Variants in PNKP observed in about 807,000 individuals in gnomAD.
PNKP encodes the protein polynucleotide kinase 3'-phosphatase, also known as bifunctional polynucleotide phosphatase/kinase.
Under a neutral mutation model 66.2 loss-of-function variants are expected in PNKP, and 82 were observed. The observed-to-expected ratio is 1.24, with a 90% CI of 1.04 to 1.49. The LOEUF is 1.49. Ranked by LOEUF, PNKP falls within the 40% of genes most tolerant of loss-of-function variation. The pLI, the probability that PNKP is intolerant of heterozygous loss-of-function variation, is 0.00. For missense variants in PNKP, 907 were observed against 706.8 expected, an observed-to-expected ratio of 1.28 and a Z score of -3.21; for synonymous variants, 412 against 298.9, an observed-to-expected ratio of 1.38 and a Z score of -3.90.
rs756362768 is a variant in PNKP, at chr19:49,861,892, G to A, written c.1189-11C>T. 16 of 1,578,432 alleles carry A rather than the reference G, an allele frequency of 1.0e-5. No homozygotes were observed. In the African/African-American group the frequency reaches 1.0e-4, roughly 10 times the overall value. ...GGAGCCTAGCGTGTCCTGGGGACAC[G>A]AGAGGTCACAAACAGATCGGCAGAC... is the stretch of plus-strand genomic sequence containing the variant. On this transcript the variant is annotated splice_polypyrimidine_tract_variant and intron_variant, in intron 13 of 16. Transcript: ENST00000322344.
At chr19:49,865,901 C>T in intron 3 of PNKP, 1 of 238,914 alleles carries the variant, frequency 4.2e-6, no homozygotes, top group Non-Finnish European at 8.3e-6. Context: ...GCGTGAGCCA[C>T]CGCGCCTGGC....
intron 3 of PNKP, 152 bp from the exon 4 acceptor site, chr19:49,865,578 C>T: frequency 1.8e-6 from 1 of 559,724 alleles, no homozygotes; most frequent in South Asian, 2.0e-5. Flanking sequence ...GGAACGGTTA[C>T]AGGTTTTCAG....
intron 13 of PNKP, 57 bp from the exon 14 acceptor site, chr19:49,861,938 G>C: frequency 1.9e-6 from 3 of 1,579,190 alleles, no homozygotes; most frequent in Admixed American, 1.7e-5. Context: ...AGAAGACCCC[G>C]AGCGGGGACG....
In PNKP at chr19:49,866,392, C is replaced by T; in HGVS notation, c.198+7G>A. The T allele has an allele frequency of 6.2e-7, 1 of 1,613,042 alleles. No homozygotes were observed. The highest frequency in any genetic ancestry group is 1.7e-4 in the Middle Eastern group (1 of 6,056). On this transcript the variant is annotated splice_region_variant and intron_variant, in intron 3 of 16. Transcript: ENST00000322344. ...GGCCTTGCTGGCCCTTGCAGAGGCA[C>T]TGATACCTGTTTCACTGCCACTGTC... is the stretch of plus-strand genomic sequence containing the variant.
Position 49,862,041 on chromosome 19 carries a change from T to A in PNKP, c.1188+3A>T. On this transcript the variant is annotated splice_donor_region_variant and intron_variant, in intron 13 of 16. Transcript: ENST00000322344. ...ATTTGGGGCGGCAAAAGCCTGGTCA[T>A]ACCCTGTTCACGTGGACATATCCGG... The A allele has an allele frequency of 6.2e-7, 1 of 1,614,074 alleles. No homozygotes were observed. The highest frequency in any genetic ancestry group is 8.5e-7 in the Non-Finnish European group (1 of 1,179,950).
Position 49,862,611 on chromosome 19 carries a change from G to A in PNKP, c.866-3C>T, listed in dbSNP as rs774994211. 6.2e-7 allele frequency: 1 copy of A among 1,613,876 alleles called. No homozygotes were observed. Among genetic ancestry groups the A allele is most frequent in the Admixed American group, 1.7e-5 (1 of 60,020 alleles). On this transcript the variant is annotated splice_polypyrimidine_tract_variant and splice_region_variant and intron_variant, in intron 9 of 16. Transcript: ENST00000322344. ...GTTGGCCGGGCGTCCGGCTGCGTCT[G>A]GAACACACGGGACACCCCGTTCCCA...
chr19:49,865,542 C>T, intron 3 of PNKP, 116 bp from the exon 4 acceptor site: 1 of 677,596 alleles, frequency 1.5e-6, no homozygotes, highest in South Asian at 1.7e-5. Flanking sequence ...CCTTAGGCCC[C>T]ACCTCTTCAC....
rs753353170 is a variant in PNKP, at chr19:49,862,253, C to A, written c.1058G>T (p.Cys353Phe). 5 of 1,608,106 alleles carry A rather than the reference C, an allele frequency of 3.1e-6. No individual in the cohort carries two copies. In the South Asian group the frequency reaches 5.5e-5, roughly 18 times the overall value. The change falls in exon 12 of 17, where the codon TGC (cysteine) becomes TTC (phenylalanine). Residue 353 changes from cysteine (C) to phenylalanine (F), a missense_variant. Transcript: ENST00000322344. ...CAGGAGGGCCCTGGACTCGGGGAGGCAGAGAGGCCCTGAGCGGGAGACAGT... is the reference window on the plus strand; with the variant it reads ...CAGGAGGGCCCTGGACTCGGGGAGGAAGAGAGGCCCTGAGCGGGAGACAGT... ...PRTVSRSGPLCLPESRALLSA... is the reference protein window; with the variant it reads ...PRTVSRSGPLFLPESRALLSA...
At chr19:49,865,774 C>CGGCCCCAAT (rs2074815336) in intron 3 of PNKP, among the ~76,000 whole-genome samples, 7 of 151,692 alleles carry the variant, frequency 4.6e-5, no homozygotes, top group African/African-American at 1.7e-4. Flanking sequence ...CCACCATGCC[C>CGGCCCCAAT]CGCTAATTTT....
chr19:49,867,441 A>C (rs2074830379), intron 1 of PNKP, 28 bp downstream of exon 1: 1 of 586,300 alleles, frequency 1.7e-6, no homozygotes, highest in Admixed American at 3.0e-5. Flanking sequence ...AGAGCCTCGC[A>C]CATGCCTCCG....
chr19:49,862,736 G>A lies in PNKP; in HGVS notation c.819C>T (p.Ala273=), dbSNP rs747539360. 6.2e-7 allele frequency: 1 copy of A among 1,614,060 alleles called. No individual in the cohort carries two copies. Among genetic ancestry groups the A allele is most frequent in the Non-Finnish European group, 8.5e-7 (1 of 1,179,986 alleles). ...CGATGGATATGGGCGTGCCGTCGTT[G>A]GCCTACGGGAGACGGTAGTGAGGAG... ...TGMWDHLQEQ[A]NDGTPISIGD... is the part of the protein sequence containing the mutation. The change falls in exon 9 of 17, where the codon GCC becomes GCT. Residue 273 remains alanine, a splice_region_variant and synonymous_variant. Coordinates refer to ENST00000322344, the MANE Select transcript of PNKP (RefSeq NM_007254.4).
In PNKP at chr19:49,865,396, G is replaced by A. The variant is rs1568662343; in HGVS notation, c.229C>T (p.Gln77Ter). ...CCCTCCAACCCCGGCTTCAACTCCT[G>A]GGTCCCGGTAGTTGAGGGGTTAACT... Reference protein sequence around the residue: ...LGVNPSTTGTQELKPGLEGSL... With the variant: ...LGVNPSTTGT Residue 77 changes from glutamine to a stop codon, truncating the protein, a stop_gained, in exon 4 of 17, where the codon CAG (glutamine) becomes TAG (stop). Transcript: ENST00000322344. LOFTEE classifies it high-confidence loss of function. 5 of 1,611,846 alleles carry A rather than the reference G, an allele frequency of 3.1e-6. No individual in the cohort carries two copies. Among genetic ancestry groups the A allele is most frequent in the Non-Finnish European group, 4.2e-6 (5 of 1,179,148 alleles).
In PNKP at chr19:49,862,928, GC is replaced by G. The variant is rs1259688274; in HGVS notation, c.817-191del. On this transcript the variant is annotated intron_variant, in intron 8 of 16. Coordinates refer to ENST00000322344, the MANE Select transcript of PNKP (RefSeq NM_007254.4). ...CCCCCCTCCGTGGTCTCTCCACACA[GC>G]CCCCTCCCTCCAGGTCTCCCGACTT... is the stretch of plus-strand genomic sequence containing the variant. 7.3e-6 allele frequency: 5 copies of G among 688,232 alleles called. No individual in the cohort carries two copies. In the East Asian group the frequency reaches 8.2e-5, roughly 11 times the overall value. 42.6% of individuals were successfully genotyped at this position (688,232 alleles called of 1,614,324 possible). A position where few individuals can be genotyped will look rare whatever the true frequency, so the allele number is the denominator to read the frequency against.
Position 49,862,284 on chromosome 19 carries a change from G to C in PNKP, c.1030-3C>G. 6.3e-7 allele frequency: 1 copy of C among 1,585,318 alleles called. No homozygotes were observed. The highest frequency in any genetic ancestry group is 1.1e-5 in the South Asian group (1 of 87,450). On this transcript the variant is annotated splice_polypyrimidine_tract_variant and splice_region_variant and intron_variant, in intron 11 of 16. Transcript: ENST00000322344. ...GGCCCTGAGCGGGAGACAGTCCTCT[G>C]CGAGGGGCGGGGGACACGCGTGAGA...
At position 49,864,187 on chromosome 19, in the gene PNKP, C is replaced by A; in HGVS notation, c.628G>T (p.Gly210Cys). The A allele has an allele frequency of 6.2e-7, 1 of 1,614,174 alleles. No individual in the cohort carries two copies. Among genetic ancestry groups the A allele is most frequent in the Admixed American group, 1.7e-5 (1 of 60,022 alleles). Reference sequence around the variant, plus strand: ...CAGGCGGCTGCACATACCTTGTAGCCCTCGGCTTCCAGCTCTCGGAGCTTA... The same window carrying A: ...CAGGCGGCTGCACATACCTTGTAGCACTCGGCTTCCAGCTCTCGGAGCTTA... ...PRKLRELEAEGYKLVIFTNQM... is the reference protein window; with the variant it reads ...PRKLRELEAECYKLVIFTNQM... Residue 210 changes from glycine to cysteine, a missense_variant, in exon 6 of 17, where the codon GGC becomes TGC. Coordinates refer to ENST00000322344, the MANE Select transcript of PNKP (RefSeq NM_007254.4).
At position 49,862,977 on chromosome 19, in the gene PNKP, G is replaced by A. The variant is rs574851568; in HGVS notation, c.817-239C>T. Among the ~76,000 whole-genome samples the A allele has an allele frequency of 6.7e-5, 10 of 149,884 alleles. No individual in the cohort carries two copies. In the East Asian group the frequency reaches 2.0e-3, roughly 30 times the overall value. ...CTTCACCTCCTCCCGTTCCCCACGCGGCCACCGGAGGGCACCCACCCTGCT... is the reference window on the plus strand; with the variant it reads ...CTTCACCTCCTCCCGTTCCCCACGCAGCCACCGGAGGGCACCCACCCTGCT... On this transcript the variant is annotated intron_variant, in intron 8 of 16. Transcript: ENST00000322344.
rs747297456 is a variant in PNKP, at chr19:49,862,394, A to G, written c.1006T>C (p.Phe336Leu). ...EFFLKWPAAG[F>L]ELPAFDPRTV... ...ACCGGATCAAAGGCTGGGAGCTCGA[A>G]GCCGGCTGCTGGCCACTTGAGAAAG... is the stretch of plus-strand genomic sequence containing the variant. The change falls in exon 11 of 17, where the codon TTC becomes CTC. Residue 336 changes from phenylalanine (F) to leucine (L), a missense_variant. Phe to Leu is a conservative substitution (Grantham distance 22, BLOSUM62 0). Transcript: ENST00000322344. 3 of 1,557,780 alleles carry G rather than the reference A, an allele frequency of 1.9e-6. No homozygotes were observed. Among genetic ancestry groups the G allele is most frequent in the Non-Finnish European group, 2.6e-6 (3 of 1,150,560 alleles).
At position 49,861,786 on chromosome 19, in the gene PNKP, G is replaced by GCTACCTGGC. The variant is rs1568659081; in HGVS notation, c.1283_1284insGCCAGGTAG (p.Ala428_Ala429insProGlySer). The GCTACCTGGC allele has an allele frequency of 6.4e-7, 1 of 1,565,874 alleles. No individual in the cohort carries two copies. The highest frequency in any genetic ancestry group is 1.4e-5 in the African/African-American group (1 of 73,362). On this transcript the variant is annotated inframe_insertion, in exon 14 of 17. Transcript: ENST00000322344. Reference sequence around the variant, plus strand: ...GGTCACGCTACCTGGCGCGGCTCGCGGCGTCTGGGTTTGTGTTGTCGATGG... The same window carrying GCTACCTGGC: ...GGTCACGCTACCTGGCGCGGCTCGCGCTACCTGGCGCGTCTGGGTTTGTGTTGTCGATGG...
rs187874787 is a variant in PNKP at position 49,866,994 on chromosome 19, C to T, written c.151+60G>A. ...AATCCCGCGTAGCAGCCAAGCGTCC[C>T]TCTGGATTGTTCCCGCTTTTGCAGC... On this transcript the variant is annotated intron_variant, in intron 2 of 16. Transcript: ENST00000322344. 489 of 1,553,566 alleles carry T rather than the reference C, an allele frequency of 3.1e-4. 6 individuals are homozygous for T. In the East Asian group the frequency reaches 0.01, roughly 33 times the overall value.
Sources: allele counts gnomAD v4.1 joint callset (sites outside exome capture counted in the v4.1 genomes callset), GRCh38; gene constraint gnomAD v4.1.1; transcripts MANE v1.5; gene names NCBI Gene and HGNC (gene_info 2026-07-23, HGNC 2026-07-21).